PRKX: variants seen among roughly 807,000 people sequenced by gnomAD.
PRKX encodes protein kinase cAMP-dependent X-linked catalytic subunit, also known as cAMP-dependent protein kinase catalytic subunit PRKX.
Under a neutral mutation model 22.0 loss-of-function variants are expected in PRKX, and 12 were observed. The ratio of observed to expected loss-of-function variants is 0.54; its 90% CI spans 0.35 to 0.88. PRKX has a LOEUF of 0.88. Ranked by LOEUF, PRKX falls within the 40% of genes least tolerant of loss-of-function variation. The probability of loss-of-function intolerance (pLI) is 0.01; values close to 1 mark genes in which losing one functional copy is unlikely to be tolerated. For missense variants in PRKX, 217 were observed against 308.0 expected (o/e 0.70, Z 2.21); for synonymous variants, 134 against 137.7 (o/e 0.97, Z 0.19).
intron 3 of PRKX, among the ~76,000 whole-genome samples, chrX:3,650,437 C>A (rs779111927): frequency 5.4e-5 from 5 of 93,019 alleles, no homozygotes; most frequent in Admixed American, 1.5e-4. Context: ...AGGAGAATGG[C>A]GTGAACCCGG....
intron 3 of PRKX, among the ~76,000 whole-genome samples, chrX:3,652,336 T>C (rs1386040495): frequency 9.2e-6 from 1 of 108,327 alleles, no homozygotes; most frequent in Non-Finnish European, 1.9e-5. Flanking sequence ...GAGAATGGCG[T>C]GAACTCGGGA....
intron 2 of PRKX, among the ~76,000 whole-genome samples, chrX:3,669,198 T>C (rs1927796787): frequency 8.9e-6 from 1 of 112,732 alleles, no homozygotes; most frequent in Non-Finnish European, 1.9e-5. Context: ...ATCAATCAGC[T>C]ATCATCTATA....
In PRKX at chrX:3,622,923, CACT is replaced by C. The variant is rs774633168; in HGVS notation, c.816-1610_816-1608del. ...GCTTCGTCCCCCACGTGATTTACAC[CACT>C]GCCTGCCCCCTTACCACACACACTT... On this transcript the variant is annotated intron_variant, in intron 5 of 8. Coordinates refer to ENST00000262848, the MANE Select transcript of PRKX (RefSeq NM_005044.5). Among the ~76,000 whole-genome samples, 3 of 112,128 alleles carry C rather than the reference CACT, an allele frequency of 2.7e-5. No homozygotes were observed. The South Asian group carries it at 1.1e-3, about 41-fold the overall frequency.
At chrX:3,671,032 AT>A (rs759214005) in intron 2 of PRKX, among the ~76,000 whole-genome samples, 14 of 109,585 alleles carry the variant, frequency 1.3e-4, no homozygotes, top group Non-Finnish European at 2.3e-4. Flanking sequence ...TTATTTATTT[AT>A]TTTTATTTAT....
intron 3 of PRKX, among the ~76,000 whole-genome samples, chrX:3,645,026 G>A (rs1313723651): frequency 8.9e-6 from 1 of 111,816 alleles, no homozygotes; most frequent in Non-Finnish European, 1.9e-5. Flanking sequence ...ACTCCTTCCT[G>A]CAAAAAGCCC....
intron 6 of PRKX, among the ~76,000 whole-genome samples, chrX:3,617,378 C>G (rs1926449934): frequency 9.1e-6 from 1 of 109,619 alleles, no homozygotes; most frequent in African/African-American, 3.3e-5. Flanking sequence ...GGAGCAGTGG[C>G]TCACGTTTAT....
chrX:3,712,978 G>A lies in PRKX; in HGVS notation c.166+110C>T. The A allele has an allele frequency of 2.2e-6, 2 of 906,643 alleles. 1 individual carries two copies. The highest frequency in any genetic ancestry group is 8.4e-5 in the East Asian group (2 of 23,876). The allele number at this position is 906,643 out of a possible 1,213,427, so 74.7% of individuals were successfully genotyped here. A position where few individuals can be genotyped will look rare whatever the true frequency, so the allele number is the denominator to read the frequency against. ...CACGGGGACTCCGAGCCGAAGTAGC[G>A]GGTCAGGGCCCTCCCCAGGAGGTCG... On this transcript the variant is annotated intron_variant, in intron 1 of 8. Coordinates refer to ENST00000262848, the MANE Select transcript of PRKX (RefSeq NM_005044.5).
intron 1 of PRKX, among the ~76,000 whole-genome samples, chrX:3,682,707 G>A (rs1264402620): frequency 9.1e-6 from 1 of 110,391 alleles, no homozygotes; most frequent in Non-Finnish European, 1.9e-5. Context: ...GGAGCCCCCA[G>A]CAGCTGGGAG....
chrX:3,659,531 A>C (rs2146586341), intron 2 of PRKX: 1 of 109,860 alleles, frequency 9.1e-6, no homozygotes, highest in South Asian at 3.9e-4. Context: ...GAGCTCAGGA[A>C]GCTCAGGGTT....
At chrX:3,633,976 G>A (rs1926836675) in intron 4 of PRKX, among the ~76,000 whole-genome samples, 1 of 111,902 alleles carries the variant, frequency 8.9e-6, no homozygotes, top group Non-Finnish European at 1.9e-5. Flanking sequence ...TAGGCCAGGC[G>A]TGGTGGCTCA....
intron 1 of PRKX, among the ~76,000 whole-genome samples, chrX:3,710,655 T>C (rs1603475008): frequency 8.9e-6 from 1 of 111,843 alleles, no homozygotes; most frequent in Non-Finnish European, 1.9e-5. Context: ...ACTACAGGTA[T>C]GAGCCACCAC....
At chrX:3,636,737 G>A (rs1254328147) in intron 4 of PRKX, among the ~76,000 whole-genome samples, 1 of 111,910 alleles carries the variant, frequency 8.9e-6, no homozygotes, top group Non-Finnish European at 1.9e-5. Context: ...GCGCACACCT[G>A]TAATCCCAGC....
chrX:3,657,787 A>C (rs1225995586), intron 2 of PRKX, among the ~76,000 whole-genome samples: 2 of 111,922 alleles, frequency 1.8e-5, no homozygotes, highest in Non-Finnish European at 3.8e-5. Flanking sequence ...AATGGAAGAA[A>C]ACGCAGCAAT....
At chrX:3,618,638 A>T (rs1489445676) in intron 6 of PRKX, among the ~76,000 whole-genome samples, 1 of 111,436 alleles carries the variant, frequency 9.0e-6, no homozygotes, top group Non-Finnish European at 1.9e-5. Context: ...AAATAAAATA[A>T]AGTCAGTGTT....
intron 7 of PRKX, among the ~76,000 whole-genome samples, chrX:3,614,272 T>A (rs1462115698): frequency 8.9e-6 from 1 of 112,019 alleles, no homozygotes; most frequent in Non-Finnish European, 1.9e-5. Flanking sequence ...AGACTGAGGC[T>A]GGTGGATCAC....
intron 2 of PRKX, among the ~76,000 whole-genome samples, chrX:3,658,400 A>G (rs1294680809): frequency 9.0e-6 from 1 of 111,164 alleles, no homozygotes; most frequent in Non-Finnish European, 1.9e-5. Context: ...CTCTCACCTC[A>G]GCCTCCCAAG....
intron 2 of PRKX, among the ~76,000 whole-genome samples, chrX:3,671,150 C>T (rs1927838848): frequency 9.0e-6 from 1 of 111,728 alleles, no homozygotes; most frequent in African/African-American, 3.3e-5. Context: ...GATTCTAGTG[C>T]CCCAGCCTCC....
At chrX:3,666,204 G>A (rs1392039283) in intron 2 of PRKX, among the ~76,000 whole-genome samples, 1 of 102,357 alleles carries the variant, frequency 9.8e-6, no homozygotes, top group Non-Finnish European at 2.0e-5. Context: ...ACTCAGGCTG[G>A]AGTGCAGTGG....
intron 3 of PRKX, among the ~76,000 whole-genome samples, chrX:3,647,548 T>A (rs1310162227): frequency 9.5e-6 from 1 of 105,767 alleles, no homozygotes; most frequent in Non-Finnish European, 1.9e-5. Flanking sequence ...GTATTAAATT[T>A]ATATATGAAT....
Sources: allele counts gnomAD v4.1 joint callset (sites outside exome capture counted in the v4.1 genomes callset), GRCh38; gene constraint gnomAD v4.1.1; transcripts MANE v1.5; gene names NCBI Gene and HGNC (gene_info 2026-07-23, HGNC 2026-07-21).